ROR1: variants seen among roughly 807,000 people sequenced by gnomAD.
ROR1 encodes the protein ROR family WNT receptor 1.
Under a neutral mutation model 78.8 loss-of-function variants are expected in ROR1, and 19 were observed. The ratio of observed to expected loss-of-function variants is 0.24; its 90% CI spans 0.17 to 0.35. ROR1 has a LOEUF of 0.35. Ranked by LOEUF, ROR1 falls within the 10% of genes least tolerant of loss-of-function variation. The pLI is 1.00. For synonymous variants in ROR1, 386 were observed against 433.6 expected (o/e 0.89, Z 1.36); for missense variants, 917 against 1,177.8 (o/e 0.78, Z 3.24).
chr1:64,137,309 C>A, intron 4 of ROR1, 60 bp from the exon 5 acceptor site: 2 of 1,594,048 alleles, frequency 1.3e-6, no homozygotes, highest in Non-Finnish European at 1.7e-6. Context: ...GCAGTCAGAG[C>A]TTGCTGTGCC....
chr1:64,049,134 CTCTG>C (rs1418596738), intron 2 of ROR1, among the ~76,000 whole-genome samples: 1 of 152,150 alleles, frequency 6.6e-6, no homozygotes, highest in Non-Finnish European at 1.5e-5. Flanking sequence ...TGCTTTATTA[CTCTG>C]TCTGCCTCTG....
chr1:64,147,249 G>A (rs1036980907), intron 7 of ROR1, among the ~76,000 whole-genome samples: 1 of 152,188 alleles, frequency 6.6e-6, no homozygotes, highest in African/African-American at 2.4e-5. Context: ...CTGAATATAT[G>A]TGCAGAGGAC....
rs1412664209 is a variant in ROR1, at chr1:64,180,158, T to A, written c.*1303T>A. The stretch of plus-strand genomic sequence containing the variant: ...TTTTGCCTTAGTGGGAGGTTTCAAA[T>A]GTGCAGCTCATGGCATTTACCTGCC... On this transcript the variant is annotated 3_prime_UTR_variant, in exon 9 of 9. Coordinates refer to ENST00000371079, the MANE Select transcript of ROR1 (RefSeq NM_005012.4). The A allele has an allele frequency of 6.6e-6, 1 of 152,222 alleles. No individual in the cohort carries two copies. Among genetic ancestry groups the A allele is most frequent in the Non-Finnish European group, 1.5e-5 (1 of 68,038 alleles). The allele number at this position is 152,222 out of a possible 1,614,324, so 9.4% of individuals were successfully genotyped here.
intron 4 of ROR1, among the ~76,000 whole-genome samples, chr1:64,097,323 C>T (rs571606266): frequency 1.1e-3 from 160 of 152,204 alleles, no homozygotes; most frequent in Non-Finnish European, 2.1e-3. Flanking sequence ...CTGCCTCTTT[C>T]CTCCATATTT....
chr1:63,802,775 C>T (rs911531472), intron 1 of ROR1, among the ~76,000 whole-genome samples: 1 of 152,134 alleles, frequency 6.6e-6, no homozygotes, highest in Admixed American at 6.6e-5. Flanking sequence ...ATTTAATCAC[C>T]TCTAGCAACC....
intron 2 of ROR1, among the ~76,000 whole-genome samples, chr1:64,011,381 C>CT (rs890179687): frequency 7.9e-5 from 12 of 152,262 alleles, no homozygotes; most frequent in African/African-American, 2.9e-4. Flanking sequence ...GTGCTGGGTG[C>CT]TTTTTTGTGA....
chr1:63,843,282 G>A (rs1240891817), intron 1 of ROR1: 27 of 1,437,120 alleles, frequency 1.9e-5, no homozygotes, highest in Non-Finnish European at 2.5e-5. Context: ...GTAGCAGTTT[G>A]TGTGTAATTC....
chr1:64,043,064 G>T (rs938357810), intron 2 of ROR1, among the ~76,000 whole-genome samples: 2 of 152,196 alleles, frequency 1.3e-5, no homozygotes, highest in African/African-American at 4.8e-5. Flanking sequence ...CTGGCTCCTC[G>T]GCTGACTGGC....
intron 1 of ROR1, among the ~76,000 whole-genome samples, chr1:63,844,120 T>G (rs889486181): frequency 2.6e-5 from 4 of 152,162 alleles, no homozygotes; most frequent in African/African-American, 4.8e-5. Flanking sequence ...TTGCTAACAT[T>G]AGGATGATAA....
At chr1:63,980,750 C>T (rs1026888311) in intron 1 of ROR1, among the ~76,000 whole-genome samples, 2 of 152,208 alleles carry the variant, frequency 1.3e-5, no homozygotes, top group African/African-American at 4.8e-5. Flanking sequence ...ATGGCCTTAG[C>T]CACATGGCTG....
At chr1:64,041,252 A>T (rs1294543730) in intron 2 of ROR1, among the ~76,000 whole-genome samples, 2 of 152,138 alleles carry the variant, frequency 1.3e-5, no homozygotes, top group African/African-American at 4.8e-5. Flanking sequence ...TGCCTGATAG[A>T]ATCAGTGCCT....
At chr1:64,107,038 A>G (rs41285388) in intron 4 of ROR1, 6,311 of 152,576 alleles carry the variant, frequency 0.041, 195 homozygotes, top group African/African-American at 0.077. Context: ...CGGTTTCCTC[A>G]TCTGTAAAAC....
rs576039149 is a variant in ROR1 at position 63,889,191 on chromosome 1, G to A, written c.91+114683G>A. ...AGGAGAGAGAGAGCCCAAGATGGAA[G>A]TCACAGTCTTTTATAACCTAATTTA... is the stretch of plus-strand genomic sequence containing the variant. On this transcript the variant is annotated intron_variant, in intron 1 of 8. Coordinates refer to ENST00000371079, the MANE Select transcript of ROR1 (RefSeq NM_005012.4). Among the ~76,000 whole-genome samples the A allele has an allele frequency of 1.4e-4, 22 of 152,250 alleles. No homozygotes were observed. In the East Asian group the frequency reaches 4.3e-3, roughly 29 times the overall value.
At chr1:63,984,870 A>G (rs1380072433) in intron 1 of ROR1, among the ~76,000 whole-genome samples, 1 of 152,220 alleles carries the variant, frequency 6.6e-6, no homozygotes, top group Admixed American at 6.5e-5. Context: ...GTTCCACCCA[A>G]GTGAATTTTC....
rs201879304 is a variant in ROR1 at position 63,900,087 on chromosome 1, A to G, written c.92-109218A>G. Among the ~76,000 whole-genome samples the G allele has an allele frequency of 8.6e-5, 13 of 152,044 alleles. No homozygotes were observed. The East Asian group carries it at 2.5e-3, about 30-fold the overall frequency. On this transcript the variant is annotated intron_variant, in intron 1 of 8. Coordinates refer to ENST00000371079, the MANE Select transcript of ROR1 (RefSeq NM_005012.4). ...ACAAGTCTGTTTACTTTTTATACTAATTTTCATGCTTACCACTGACTCTGA... is the reference window on the plus strand; with the variant it reads ...ACAAGTCTGTTTACTTTTTATACTAGTTTTCATGCTTACCACTGACTCTGA...
At chr1:64,155,237 T>C (rs1649738697) in intron 7 of ROR1, among the ~76,000 whole-genome samples, 2 of 152,244 alleles carry the variant, frequency 1.3e-5, no homozygotes, top group Non-Finnish European at 2.9e-5. Flanking sequence ...AAAAAGAACC[T>C]AGGCAGATAT....
intron 1 of ROR1, among the ~76,000 whole-genome samples, chr1:63,933,211 G>T (rs1364313882): frequency 6.6e-6 from 1 of 152,212 alleles, no homozygotes; most frequent in Non-Finnish European, 1.5e-5. Flanking sequence ...GGGCAGCATA[G>T]TAGTGGTGCC....
At position 64,075,247 on chromosome 1, in the gene ROR1, A is replaced by G. The variant is rs1226731453; in HGVS notation, c.482+24531A>G. 2.0e-5 allele frequency among the ~76,000 whole-genome samples: 3 copies of G among 152,236 alleles called. No homozygotes were observed. The East Asian group carries it at 5.8e-4, about 29-fold the overall frequency. ...AATAAAATTACACTTCAGAACATCT[A>G]GAGAATAGAGTAAAAAAAATGTACA... On this transcript the variant is annotated intron_variant, in intron 4 of 8. Coordinates refer to ENST00000371079, the MANE Select transcript of ROR1 (RefSeq NM_005012.4).
chr1:63,992,724 A>T (rs1398831396), intron 1 of ROR1, among the ~76,000 whole-genome samples: 5 of 152,190 alleles, frequency 3.3e-5, no homozygotes, highest in South Asian at 4.1e-4. Context: ...CACCACCAAA[A>T]TGAAGATAAT....
Sources: gnomAD v4.1 joint callset for allele counts (sites outside exome capture counted in the v4.1 genomes callset) on GRCh38, gnomAD v4.1.1 for gene constraint, MANE v1.5 for transcripts, NCBI Gene and HGNC (gene_info 2026-07-23, HGNC 2026-07-21) for gene names.